Variants in CYP2C8 observed in about 807,000 individuals in gnomAD.
CYP2C8 encodes the protein cytochrome P450 2C8.
CYP2C8 carries 51 observed loss-of-function variants against 41.3 expected under a neutral mutation model. That is an observed-to-expected ratio of 1.24 (90% CI 0.99 to 1.56). CYP2C8 has a LOEUF of 1.56. Among genes scored for constraint, CYP2C8 ranks in the 40% most tolerant of loss-of-function variants. The pLI is 0.00. For missense variants in CYP2C8, 651 were observed against 579.9 expected, an observed-to-expected ratio of 1.12 and a Z score of -1.26; for synonymous variants, 218 against 205.8, an observed-to-expected ratio of 1.06 and a Z score of -0.51.
intron 4 of CYP2C8, among the ~76,000 whole-genome samples, chr10:95,063,974 G>A (rs142722926): frequency 0.013 from 1,917 of 152,258 alleles, 58 homozygotes; most frequent in African/African-American, 0.044. Flanking sequence ...GTTGCTGCCC[G>A]ATCGTTCCTC....
At chr10:95,063,451 T>C (rs1353933696) in intron 4 of CYP2C8, among the ~76,000 whole-genome samples, 1 of 152,268 alleles carries the variant, frequency 6.6e-6, no homozygotes, top group South Asian at 2.1e-4. Flanking sequence ...AGCTTGTGCA[T>C]GTGTCACGTA....
At chr10:95,054,853 T>A (rs367920541) in intron 5 of CYP2C8, among the ~76,000 whole-genome samples, 1 of 152,152 alleles carries the variant, frequency 6.6e-6, no homozygotes, top group South Asian at 2.1e-4. Flanking sequence ...ATCAAGAAGA[T>A]AAAAGACTGA....
At chr10:95,049,148 T>C (rs1033984432) in intron 5 of CYP2C8, among the ~76,000 whole-genome samples, 2 of 152,078 alleles carry the variant, frequency 1.3e-5, no homozygotes, top group East Asian at 1.9e-4. Flanking sequence ...CATTAGAAAG[T>C]GGGCAAACAA....
chr10:95,051,138 C>T (rs577070730), intron 5 of CYP2C8, among the ~76,000 whole-genome samples: 12 of 152,002 alleles, frequency 7.9e-5, no homozygotes, highest in South Asian at 2.1e-4. Flanking sequence ...ATAAACATAA[C>T]GAAGAGACTG....
chr10:95,069,165 T>C, intron 1 of CYP2C8, 70 bp downstream of exon 1: 1 of 1,528,076 alleles, frequency 6.5e-7, no homozygotes, highest in Non-Finnish European at 9.1e-7. Context: ...CAGGAATATA[T>C]TTTGTCTAAA....
chr10:95,036,958 T>C lies in CYP2C8; in HGVS notation c.*170A>G. The C allele has an allele frequency of 1.5e-6, 1 of 688,830 alleles. No individual in the cohort carries two copies. 42.7% of individuals were successfully genotyped at this position (688,830 alleles called of 1,614,324 possible). On this transcript the variant is annotated 3_prime_UTR_variant, in exon 9 of 9. Coordinates refer to ENST00000371270, the MANE Select transcript of CYP2C8 (RefSeq NM_000770.3). Reference sequence around the variant, plus strand: ...AGAGTATGAATAATTGCAGATATATTTGTGCAGTGACCTGAACAACTCTCC... The same window carrying C: ...AGAGTATGAATAATTGCAGATATATCTGTGCAGTGACCTGAACAACTCTCC...
intron 6 of CYP2C8, among the ~76,000 whole-genome samples, chr10:95,044,024 A>G (rs1318829467): frequency 6.6e-6 from 1 of 152,148 alleles, no homozygotes; most frequent in Admixed American, 6.5e-5. Flanking sequence ...ACTATCAATC[A>G]CATCTCTTTG....
intron 5 of CYP2C8, among the ~76,000 whole-genome samples, chr10:95,057,912 AC>A (rs2033342746): frequency 6.6e-6 from 1 of 152,168 alleles, no homozygotes; most frequent in Admixed American, 6.5e-5. Context: ...TCTGTTCCAC[AC>A]TGAAAATATA....
At position 95,045,969 on chromosome 10, in the gene CYP2C8, C is replaced by T. The variant is rs1274652796; in HGVS notation, c.820-18G>A. ...TCCTTTTCCTAGAAGTGATTTCATG[C>T]AATTATCTGACAAATTATGTGCCAG... On this transcript the variant is annotated intron_variant, in intron 5 of 8. Coordinates refer to ENST00000371270, the MANE Select transcript of CYP2C8 (RefSeq NM_000770.3). The T allele has an allele frequency of 6.2e-7, 1 of 1,613,226 alleles. No homozygotes were observed. Among genetic ancestry groups the T allele is most frequent in the Non-Finnish European group, 8.5e-7 (1 of 1,179,436 alleles).
At chr10:95,051,248 T>C (rs1013581472) in intron 5 of CYP2C8, among the ~76,000 whole-genome samples, 3 of 152,072 alleles carry the variant, frequency 2.0e-5, no homozygotes, top group African/African-American at 7.2e-5. Context: ...TAGAATAGAA[T>C]TGATTCAGCA....
chr10:95,057,516 A>C (rs2033336516), intron 5 of CYP2C8, among the ~76,000 whole-genome samples: 1 of 152,150 alleles, frequency 6.6e-6, no homozygotes, highest in Admixed American at 6.6e-5. Flanking sequence ...GTCTTGAAAA[A>C]AGCTTTGAGG....
chr10:95,037,343 T>C, intron 8 of CYP2C8, 34 bp from the exon 9 acceptor site: 1 of 1,596,400 alleles, frequency 6.3e-7, no homozygotes, highest in Non-Finnish European at 8.6e-7. Context: ...TAGTTACTCC[T>C]TGTGTTTAAC....
chr10:95,042,875 G>A lies in CYP2C8; in HGVS notation c.1149+15C>T. 6.2e-7 allele frequency: 1 copy of A among 1,607,556 alleles called. No homozygotes were observed. The highest frequency in any genetic ancestry group is 8.5e-7 in the Non-Finnish European group (1 of 1,173,992). On this transcript the variant is annotated intron_variant, in intron 7 of 8. Coordinates refer to ENST00000371270, the MANE Select transcript of CYP2C8 (RefSeq NM_000770.3). ...TCAGAAGTACAGAAATATAGTGTAA[G>A]AGAAACAAGCTTACCTTGGGGATGA... is the stretch of plus-strand genomic sequence containing the variant.
intron 5 of CYP2C8, among the ~76,000 whole-genome samples, chr10:95,046,458 A>T (rs994367817): frequency 6.6e-6 from 1 of 152,194 alleles, no homozygotes; most frequent in African/African-American, 2.4e-5. Context: ...CATTTATAAC[A>T]AGCTATCAAG....
intron 5 of CYP2C8, among the ~76,000 whole-genome samples, chr10:95,048,046 C>T (rs528836277): frequency 1.1e-4 from 16 of 152,266 alleles, no homozygotes; most frequent in Admixed American, 6.5e-5. Flanking sequence ...CTCCTACCTG[C>T]CCTTTCCATG....
At chr10:95,037,714 T>A (rs2032914713) in intron 8 of CYP2C8, among the ~76,000 whole-genome samples, 1 of 152,224 alleles carries the variant, frequency 6.6e-6, no homozygotes. Context: ...ATTCCATGAC[T>A]TTTCCTTCCA....
Position 95,067,499 on chromosome 10 carries a change from C to T in CYP2C8, c.331+30G>A. The T allele has an allele frequency of 2.5e-6, 4 of 1,614,070 alleles. No individual in the cohort carries two copies. In the South Asian group the frequency reaches 4.4e-5, roughly 18 times the overall value. On this transcript the variant is annotated intron_variant, in intron 2 of 8. Coordinates refer to ENST00000371270, the MANE Select transcript of CYP2C8 (RefSeq NM_000770.3). ...TTTCCATCCCCCTCACCCCAGTTAC[C>T]AAAGCTGACACAGAAATATGTGCAC...
intron 5 of CYP2C8, among the ~76,000 whole-genome samples, chr10:95,051,362 G>GA (rs1255148302): frequency 6.6e-6 from 1 of 152,044 alleles, no homozygotes; most frequent in Non-Finnish European, 1.5e-5. Context: ...ACAGGATCTA[G>GA]AAAATAGTCT....
chr10:95,064,695 T>A, intron 4 of CYP2C8, 105 bp downstream of exon 4: 1 of 1,131,522 alleles, frequency 8.8e-7, no homozygotes. Flanking sequence ...TACATCATTT[T>A]TATTGTATAA....
Sources: allele counts gnomAD v4.1 joint callset (sites outside exome capture counted in the v4.1 genomes callset), GRCh38; gene constraint gnomAD v4.1.1; transcripts MANE v1.5; gene names NCBI Gene and HGNC (gene_info 2026-07-23, HGNC 2026-07-21).